SQOR: variants seen among roughly 807,000 people sequenced by gnomAD.
SQOR encodes sulfide quinone oxidoreductase.
SQOR carries 39 observed loss-of-function variants against 48.6 expected under a neutral mutation model. The observed-to-expected ratio is 0.80, with a 90% CI of 0.62 to 1.05. SQOR has a LOEUF of 1.05. Ranked by LOEUF, SQOR falls within the 50% of genes least tolerant of loss-of-function variation. The probability of loss-of-function intolerance (pLI) is 0.00; values close to 1 mark genes in which losing one functional copy is unlikely to be tolerated. For missense variants in SQOR, 561 were observed against 559.9 expected (o/e 1.00, Z -0.02); for synonymous variants, 220 against 206.2 (o/e 1.07, Z -0.57).
chr15:45,649,267 C>T lies in SQOR; in HGVS notation c.-17-9640C>T, dbSNP rs543372437. ...AAGTAGGGGATGCCCAGTCCGCTGT[C>T]TTATCTTTCAATCAACAGGGACTTT... On this transcript the variant is annotated intron_variant, in intron 1 of 9. Transcript: ENST00000260324. Among the ~76,000 whole-genome samples, 3 of 152,274 alleles carry T rather than the reference C, an allele frequency of 2.0e-5. No individual in the cohort carries two copies. In the East Asian group the frequency reaches 5.8e-4, roughly 29 times the overall value.
At chr15:45,632,068 T>G (rs1202835940), upstream of SQOR, 1 of 152,234 alleles carries the variant, frequency 6.6e-6, no homozygotes, top group Non-Finnish European at 1.5e-5. Context: ...AAGTTACAAC[T>G]TCTGTTCTCC....
At chr15:45,650,949 C>T (rs1225615437) in intron 1 of SQOR, among the ~76,000 whole-genome samples, 1 of 152,238 alleles carries the variant, frequency 6.6e-6, no homozygotes, top group African/African-American at 2.4e-5. Flanking sequence ...CAGCTGGCTT[C>T]ACCTAGTGGA....
chr15:45,680,442 T>G (rs752564177), intron 6 of SQOR, among the ~76,000 whole-genome samples: 1 of 151,380 alleles, frequency 6.6e-6, no homozygotes, highest in Non-Finnish European at 1.5e-5. Flanking sequence ...GGCAGGATCT[T>G]GCTCTGTCAC....
intron 5 of SQOR, 123 bp from the exon 6 acceptor site, chr15:45,675,978 G>A: frequency 3.3e-6 from 3 of 900,196 alleles, no homozygotes; most frequent in South Asian, 3.2e-5. Context: ...TGCTCTGCCA[G>A]GACATAATGG....
intron 1 of SQOR, among the ~76,000 whole-genome samples, chr15:45,649,562 G>A (rs564730697): frequency 6.6e-6 from 1 of 151,982 alleles, no homozygotes; most frequent in South Asian, 2.1e-4. Flanking sequence ...TGCAACCTCC[G>A]CCTCCCTGGC....
At position 45,641,864 on chromosome 15, in the gene SQOR, C is replaced by G. The variant is rs759414282; in HGVS notation, c.-18+6756C>G. Among the ~76,000 whole-genome samples, 22 of 152,152 alleles carry G rather than the reference C, an allele frequency of 1.4e-4. 1 individual carries two copies. The highest frequency in any genetic ancestry group is 3.1e-4 in the Non-Finnish European group (21 of 68,026). ...ATATAATGTCATCGTTCACATTCTT[C>G]CTTCTTCTTTATCCCCTATAGCTGA... On this transcript the variant is annotated intron_variant, in intron 1 of 9. Transcript: ENST00000260324.
intron 9 of SQOR, among the ~76,000 whole-genome samples, chr15:45,690,559 T>C (rs1177646367): frequency 1.3e-5 from 2 of 152,170 alleles, no homozygotes; most frequent in Admixed American, 1.3e-4. Flanking sequence ...TTGCATTTAG[T>C]GAGCAGAGGC....
At chr15:45,648,465 C>A (rs780876149) in intron 1 of SQOR, among the ~76,000 whole-genome samples, 1 of 152,204 alleles carries the variant, frequency 6.6e-6, no homozygotes, top group Non-Finnish European at 1.5e-5. Flanking sequence ...CGTGAGCCAC[C>A]ACACCCAGCC....
At chr15:45,649,466 T>A (rs1323912120) in intron 1 of SQOR, among the ~76,000 whole-genome samples, 1 of 152,184 alleles carries the variant, frequency 6.6e-6, no homozygotes, top group Non-Finnish European at 1.5e-5. Context: ...TTACCTTATT[T>A]ATTGATGTTT....
intron 1 of SQOR, among the ~76,000 whole-genome samples, chr15:45,635,830 A>ACTC (rs147637462): frequency 1.3e-5 from 2 of 151,824 alleles, no homozygotes; most frequent in African/African-American, 4.8e-5. Flanking sequence ...AAGGCTAAAG[A>ACTC]CTCTCAGAAC....
chr15:45,681,813 C>A (rs1315454994), intron 6 of SQOR, among the ~76,000 whole-genome samples: 1 of 152,162 alleles, frequency 6.6e-6, no homozygotes, highest in African/African-American at 2.4e-5. Flanking sequence ...CCAAAGGTAA[C>A]CTTGATACGG....
At chr15:45,659,518 C>T (rs1264651657) in intron 2 of SQOR, among the ~76,000 whole-genome samples, 1 of 152,176 alleles carries the variant, frequency 6.6e-6, no homozygotes, top group African/African-American at 2.4e-5. Context: ...GCTCCCTCTG[C>T]AGCCTGGGTG....
At chr15:45,660,081 A>G (rs1205883536) in intron 2 of SQOR, among the ~76,000 whole-genome samples, 3 of 152,218 alleles carry the variant, frequency 2.0e-5, no homozygotes, top group Non-Finnish European at 4.4e-5. Flanking sequence ...TGTCTCACAA[A>G]AAACATGTTA....
At chr15:45,676,041 A>C in intron 5 of SQOR, 60 bp from the exon 6 acceptor site, 2 of 1,288,252 alleles carry the variant, frequency 1.6e-6, no homozygotes, top group Non-Finnish European at 2.1e-6. Flanking sequence ...GTCTGGATTA[A>C]AAAAAAAAAA....
At position 45,684,058 on chromosome 15, in the gene SQOR, CCCACCACCACA is replaced by C. The variant is rs962343968; in HGVS notation, c.1048+1400_1048+1410del. On this transcript the variant is annotated intron_variant, in intron 7 of 9. Coordinates refer to ENST00000260324, the MANE Select transcript of SQOR (RefSeq NM_021199.4). ...TCCCAAGTAGCTGGTATTACAGGCA[CCCACCACCACA>C]CCTGGCTAATTTTTTTTATTTTTAG... 3.5e-4 allele frequency among the ~76,000 whole-genome samples: 52 copies of C among 147,686 alleles called. 1 individual carries two copies. The highest frequency in any genetic ancestry group is 6.4e-4 in the South Asian group (3 of 4,678).
Position 45,680,487 on chromosome 15 carries a change from C to T in SQOR, c.865-1991C>T, listed in dbSNP as rs1430191786. Among the ~76,000 whole-genome samples the T allele has an allele frequency of 2.0e-5, 3 of 152,140 alleles. No individual in the cohort carries two copies. The East Asian group carries it at 5.8e-4, about 29-fold the overall frequency. ...AGTGCAGTGGTGCCATCTTGGCTCA[C>T]TGCAACCCCCACCTCCCAGCCTCAA... On this transcript the variant is annotated intron_variant, in intron 6 of 9. Transcript: ENST00000260324.
chr15:45,653,558 A>G (rs2733249), intron 1 of SQOR, among the ~76,000 whole-genome samples: 22,318 of 152,178 alleles, frequency 0.15, 1,807 homozygotes, highest in Non-Finnish European at 0.18. Context: ...TTGTCTTGTT[A>G]TAGAGCTCAA....
chr15:45,672,340 T>C (rs1275666363), intron 4 of SQOR, among the ~76,000 whole-genome samples: 1 of 152,042 alleles, frequency 6.6e-6, no homozygotes, highest in Admixed American at 6.6e-5. Flanking sequence ...ATGTGAAACT[T>C]TGAAAACATT....
chr15:45,661,786 C>G (rs1056467368), intron 2 of SQOR, among the ~76,000 whole-genome samples, 169 bp from the exon 3 acceptor site: 1 of 152,160 alleles, frequency 6.6e-6, no homozygotes, highest in Non-Finnish European at 1.5e-5. Flanking sequence ...TCAGAGCTTA[C>G]CATAATAGGA....
Sources: gnomAD v4.1 joint callset for allele counts (sites outside exome capture counted in the v4.1 genomes callset) on GRCh38, gnomAD v4.1.1 for gene constraint, MANE v1.5 for transcripts, NCBI Gene and HGNC (gene_info 2026-07-23, HGNC 2026-07-21) for gene names.